The following RNF111 variants were observed in gnomAD, a reference collection of about 807,000 sequenced individuals.
RNF111 encodes the protein ring finger protein 111.
RNF111 carries 17 observed loss-of-function variants against 95.1 expected under a neutral mutation model. The ratio of observed to expected loss-of-function variants is 0.18; its 90% CI spans 0.12 to 0.27. The LOEUF (loss-of-function observed/expected upper bound fraction) is 0.27. Ranked by LOEUF, RNF111 falls within the 10% of genes least tolerant of loss-of-function variation. The probability of loss-of-function intolerance (pLI) is 1.00; values close to 1 mark genes in which losing one functional copy is unlikely to be tolerated. For missense variants in RNF111, 1,189 were observed against 1,210.4 expected (o/e 0.98, Z 0.26); for synonymous variants, 440 against 414.8 (o/e 1.06, Z -0.74).
intron 1 of RNF111, among the ~76,000 whole-genome samples, chr15:59,021,922 G>A (rs1266355948): frequency 1.3e-5 from 2 of 151,890 alleles, no homozygotes; most frequent in Admixed American, 6.6e-5. Context: ...GTACAGTGAC[G>A]TGACCTCACC....
intron 1 of RNF111, among the ~76,000 whole-genome samples, chr15:59,006,315 A>G (rs1369908428): frequency 6.6e-6 from 1 of 152,226 alleles, no homozygotes; most frequent in Non-Finnish European, 1.5e-5. Flanking sequence ...AGGACATAAA[A>G]CATTCCATCA....
intron 12 of RNF111, among the ~76,000 whole-genome samples, chr15:59,091,572 T>C (rs1256972923): frequency 2.0e-5 from 3 of 152,206 alleles, no homozygotes; most frequent in African/African-American, 7.2e-5. Flanking sequence ...GGCAGTACTG[T>C]AATTTTTTTA....
At chr15:59,071,526 GAAACAAAA>G (rs1471882427) in intron 6 of RNF111, among the ~76,000 whole-genome samples, 1 of 151,568 alleles carries the variant, frequency 6.6e-6, no homozygotes, top group Non-Finnish European at 1.5e-5. Flanking sequence ...CTAACAAAAC[GAAACAAAA>G]AAACAAAAAT....
chr15:59,020,631 T>C (rs1316271756), intron 1 of RNF111, among the ~76,000 whole-genome samples: 1 of 152,216 alleles, frequency 6.6e-6, no homozygotes, highest in Non-Finnish European at 1.5e-5. Flanking sequence ...GATTTCAGAA[T>C]ACTTTAACAA....
intron 1 of RNF111, among the ~76,000 whole-genome samples, chr15:59,013,018 C>T (rs57750394): frequency 0.018 from 2,771 of 152,200 alleles, 52 homozygotes; most frequent in East Asian, 0.038. Flanking sequence ...AGATTATAGG[C>T]GTGAGCCACC....
At chr15:59,002,819 A>C (rs2039381905) in intron 1 of RNF111, among the ~76,000 whole-genome samples, 1 of 152,042 alleles carries the variant, frequency 6.6e-6, no homozygotes, top group Non-Finnish European at 1.5e-5. Flanking sequence ...CCTGTTAGGC[A>C]TATTCCTGTC....
At chr15:59,037,704 C>T (rs551320786) in intron 2 of RNF111, among the ~76,000 whole-genome samples, 10 of 152,134 alleles carry the variant, frequency 6.6e-5, no homozygotes, top group South Asian at 4.1e-4. Flanking sequence ...AGCGTGGTGG[C>T]GCATGCCTGT....
intron 1 of RNF111, among the ~76,000 whole-genome samples, chr15:59,007,669 G>GT (rs1407894733): frequency 2.0e-5 from 3 of 152,196 alleles, no homozygotes; most frequent in African/African-American, 7.2e-5. Flanking sequence ...CCTTGCCAGT[G>GT]TTTGGTGGTT....
At chr15:59,005,398 A>C (rs2039497237) in intron 1 of RNF111, among the ~76,000 whole-genome samples, 3 of 152,200 alleles carry the variant, frequency 2.0e-5, no homozygotes, top group Admixed American at 2.0e-4. Flanking sequence ...AGTAAAAACA[A>C]ATTTTATCTA....
chr15:59,090,868 G>A (rs556469435), intron 11 of RNF111, among the ~76,000 whole-genome samples, 191 bp from the exon 12 acceptor site: 1 of 152,086 alleles, frequency 6.6e-6, no homozygotes, highest in Non-Finnish European at 1.5e-5. Flanking sequence ...GACCAGCCTG[G>A]GCAACATATA....
chr15:59,094,495 T>C (rs2079140661), intron 13 of RNF111, among the ~76,000 whole-genome samples: 2 of 152,156 alleles, frequency 1.3e-5, no homozygotes, highest in African/African-American at 2.4e-5. Context: ...CTCCAGGGCA[T>C]TGGCAGCTCC....
At chr15:58,999,360 C>T (rs995687970) in intron 1 of RNF111, among the ~76,000 whole-genome samples, 1 of 152,176 alleles carries the variant, frequency 6.6e-6, no homozygotes, top group East Asian at 1.9e-4. Flanking sequence ...GTTTTTGAGA[C>T]GGAGTCACAC....
intron 6 of RNF111, among the ~76,000 whole-genome samples, chr15:59,071,733 A>G (rs1172915767): frequency 2.0e-5 from 3 of 151,998 alleles, no homozygotes; most frequent in African/African-American, 4.8e-5. Flanking sequence ...AATATTACTG[A>G]TGAGTGGAAG....
At chr15:59,072,228 GAAGT>G (rs1365128722) in intron 6 of RNF111, among the ~76,000 whole-genome samples, 3 of 152,110 alleles carry the variant, frequency 2.0e-5, no homozygotes, top group Non-Finnish European at 2.9e-5. Context: ...GCAATTTCTT[GAAGT>G]AAGATAACAA....
intron 5 of RNF111, among the ~76,000 whole-genome samples, chr15:59,065,527 C>T (rs1352211436): frequency 1.3e-5 from 2 of 152,138 alleles, no homozygotes; most frequent in Admixed American, 1.3e-4. Context: ...AATAACTTCC[C>T]TAAGGTCACA....
chr15:59,049,110 T>G (rs2041847656), intron 2 of RNF111, among the ~76,000 whole-genome samples: 1 of 152,104 alleles, frequency 6.6e-6, no homozygotes, highest in South Asian at 2.1e-4. Context: ...TATATTTACA[T>G]TTGTTGTGAA....
chr15:59,007,357 C>T (rs1230615024), intron 1 of RNF111, among the ~76,000 whole-genome samples: 1 of 151,680 alleles, frequency 6.6e-6, no homozygotes, highest in African/African-American at 2.4e-5. Flanking sequence ...CTAGTTTTCC[C>T]TTAGCATGAT....
At chr15:59,093,985 CTT>C (rs1485286443) in intron 13 of RNF111, among the ~76,000 whole-genome samples, 2 of 152,136 alleles carry the variant, frequency 1.3e-5, no homozygotes, top group African/African-American at 4.8e-5. Context: ...TATAAAAACT[CTT>C]AACAGTTGCT....
chr15:59,076,735 A>C (rs1244232683), intron 7 of RNF111, among the ~76,000 whole-genome samples: 1 of 152,216 alleles, frequency 6.6e-6, no homozygotes, highest in Non-Finnish European at 1.5e-5. Flanking sequence ...TTCTAAAGAA[A>C]TTGAAATTCG....
Sources: allele counts gnomAD v4.1 joint callset (sites outside exome capture counted in the v4.1 genomes callset), GRCh38; gene constraint gnomAD v4.1.1; transcripts MANE v1.5; gene names NCBI Gene and HGNC (gene_info 2026-07-23, HGNC 2026-07-21).